The following TEX9 variants were observed in gnomAD, a reference collection of about 807,000 sequenced individuals.
The protein encoded by TEX9 is testis expressed 9.
A neutral mutation model predicts 59.6 loss-of-function variants in TEX9; 74 were observed. The observed-to-expected ratio is 1.24, with a 90% CI of 1.03 to 1.51. TEX9 has a LOEUF of 1.51. Ranked by LOEUF, TEX9 falls within the 40% of genes most tolerant of loss-of-function variation. The pLI is 0.00. For synonymous variants in TEX9, 186 were observed against 152.2 expected (o/e 1.22, Z -1.64); for missense variants, 522 against 447.8 (o/e 1.17, Z -1.49).
intron 1 of TEX9, among the ~76,000 whole-genome samples, chr15:56,272,933 TATTTA>T (rs780481479): frequency 1.3e-4 from 18 of 143,252 alleles, no homozygotes; most frequent in East Asian, 5.3e-4. Context: ...TTTATTTATT[TATTTA>T]TTTTTTTTGT....
At chr15:56,268,420 C>T (rs1453417767) in intron 1 of TEX9, among the ~76,000 whole-genome samples, 2 of 152,168 alleles carry the variant, frequency 1.3e-5, no homozygotes, top group African/African-American at 4.8e-5. Flanking sequence ...AAAGGGAATG[C>T]TTCCAGTTTT....
chr15:56,297,513 A>C (rs781452104), intron 1 of TEX9, among the ~76,000 whole-genome samples: 2 of 152,192 alleles, frequency 1.3e-5, no homozygotes, highest in Non-Finnish European at 2.9e-5. Context: ...AGTTTTCTAC[A>C]AAATTTCTTT....
At chr15:56,325,989 A>G (rs1378871824) in intron 1 of TEX9, among the ~76,000 whole-genome samples, 1 of 152,196 alleles carries the variant, frequency 6.6e-6, no homozygotes, top group African/African-American at 2.4e-5. Flanking sequence ...CACTCCAGGT[A>G]TCATTGGTTA....
chr15:56,378,192 A>G (rs1049109991), intron 3 of TEX9, among the ~76,000 whole-genome samples: 2 of 151,598 alleles, frequency 1.3e-5, no homozygotes, highest in African/African-American at 4.8e-5. Flanking sequence ...TCTTTTTTTG[A>G]TGTGTCTTTG....
intron 1 of TEX9, chr15:56,323,505 G>T: frequency 5.1e-6 from 1 of 197,700 alleles, no homozygotes; most frequent in South Asian, 1.1e-4. Flanking sequence ...CTGCACAAAT[G>T]ACAAGCAGCC....
At position 56,431,232 on chromosome 15, in the gene TEX9, G is replaced by A. The variant is rs185174237; in HGVS notation, c.*29+2759G>A. The A allele has an allele frequency of 3.9e-3, 3,417 of 867,722 alleles. 13 individuals are homozygous for A. The highest frequency in any genetic ancestry group is 5.3e-3 in the Non-Finnish European group (3,032 of 570,408). The allele number at this position is 867,722 out of a possible 1,614,324, so 53.8% of individuals were successfully genotyped here. A position where few individuals can be genotyped will look rare whatever the true frequency, so the allele number is the denominator to read the frequency against. On this transcript the variant is annotated intron_variant, in intron 12 of 12. Transcript: ENST00000352903. ...ACTGAAATGGGCCCAGAGAGGTTCAGTGCCTGGACAGGAGGATCCCATTGC... is the reference window on the plus strand; with the variant it reads ...ACTGAAATGGGCCCAGAGAGGTTCAATGCCTGGACAGGAGGATCCCATTGC...
chr15:56,356,411 A>G (rs2046685475), intron 1 of TEX9, among the ~76,000 whole-genome samples: 1 of 152,132 alleles, frequency 6.6e-6, no homozygotes. Flanking sequence ...TTATTTATTT[A>G]GGCCTGCATG....
intron 2 of TEX9, among the ~76,000 whole-genome samples, chr15:56,367,252 A>G (rs17238684): frequency 0.044 from 6,697 of 152,208 alleles, 223 homozygotes; most frequent in Admixed American, 0.087. Flanking sequence ...CATCTGAAGC[A>G]TATGAACAGA....
chr15:56,250,085 A>G (rs2141291194), intron 1 of TEX9, among the ~76,000 whole-genome samples: 1 of 152,324 alleles, frequency 6.6e-6, no homozygotes, highest in East Asian at 1.9e-4. Flanking sequence ...ATTTCCTTCT[A>G]CTCCAGCAGA....
intron 11 of TEX9, 45 bp from the exon 12 acceptor site, chr15:56,428,322 T>G (rs1337276341): frequency 1.4e-6 from 2 of 1,424,268 alleles, no homozygotes; most frequent in Admixed American, 3.4e-5. Context: ...TTTGGTGGCC[T>G]ACTCTTAATA....
intron 1 of TEX9, among the ~76,000 whole-genome samples, chr15:56,322,414 G>A (rs889987337): frequency 1.3e-5 from 2 of 152,308 alleles, no homozygotes; most frequent in Non-Finnish European, 2.9e-5. Context: ...GAAAACCATC[G>A]TGGTCATGCA....
intron 9 of TEX9, chr15:56,397,673 A>T (rs568955807): frequency 6.6e-6 from 1 of 152,182 alleles, no homozygotes; most frequent in Admixed American, 6.5e-5. Context: ...TCCCCACCCA[A>T]ATTTCATCTT....
chr15:56,448,500 T>TA (rs1156670645), downstream of TEX9, among the ~76,000 whole-genome samples: 1 of 152,208 alleles, frequency 6.6e-6, no homozygotes, highest in Non-Finnish European at 1.5e-5. Flanking sequence ...GGTTTTCTGT[T>TA]ACTGCGTTAA....
chr15:56,272,308 A>G (rs1021029922), intron 1 of TEX9, among the ~76,000 whole-genome samples: 14 of 152,118 alleles, frequency 9.2e-5, no homozygotes, highest in South Asian at 2.1e-4. Context: ...GGCAATCACT[A>G]ATTTACTTTA....
intron 2 of TEX9, among the ~76,000 whole-genome samples, chr15:56,369,121 T>C (rs945053863): frequency 6.6e-6 from 1 of 152,132 alleles, no homozygotes. Context: ...ATTTTCATAG[T>C]AATTATTTAG....
chr15:56,404,211 G>C (rs1258255081), intron 9 of TEX9, among the ~76,000 whole-genome samples: 2 of 152,162 alleles, frequency 1.3e-5, no homozygotes, highest in African/African-American at 2.4e-5. Flanking sequence ...TACAGAATGG[G>C]AGAAAATTTT....
intron 1 of TEX9, among the ~76,000 whole-genome samples, chr15:56,333,555 A>G (rs751650048): frequency 2.0e-5 from 3 of 152,044 alleles, no homozygotes; most frequent in African/African-American, 4.8e-5. Flanking sequence ...TGACAGAACC[A>G]TAGATAGTAT....
chr15:56,330,196 A>G (rs1489022056), intron 1 of TEX9, among the ~76,000 whole-genome samples: 3 of 152,182 alleles, frequency 2.0e-5, no homozygotes, highest in East Asian at 1.9e-4. Flanking sequence ...TACTTCAAAC[A>G]TGAAGAAGAA....
intron 4 of TEX9, among the ~76,000 whole-genome samples, chr15:56,385,400 A>G (rs2047915055): frequency 6.6e-6 from 1 of 152,162 alleles, no homozygotes; most frequent in Admixed American, 6.5e-5. Flanking sequence ...GACTACTGAT[A>G]CAATTTTTCA....
Sources: gnomAD v4.1 joint callset for allele counts (sites outside exome capture counted in the v4.1 genomes callset) on GRCh38, gnomAD v4.1.1 for gene constraint, MANE v1.5 for transcripts, NCBI Gene and HGNC (gene_info 2026-07-23, HGNC 2026-07-21) for gene names.